Variants in SPATA13 observed in about 807,000 individuals in gnomAD.
The protein encoded by SPATA13 is spermatogenesis-associated protein 13.
A neutral mutation model predicts 104.0 loss-of-function variants in SPATA13; 50 were observed. The observed-to-expected ratio is 0.48, with a 90% CI of 0.38 to 0.61. SPATA13 has a LOEUF of 0.61. Among genes scored for constraint, SPATA13 ranks in the 20% least tolerant of loss-of-function variants. The pLI is 0.00. For synonymous variants in SPATA13, 606 were observed against 667.5 expected (o/e 0.91, Z 1.42); for missense variants, 1,524 against 1,690.6 (o/e 0.90, Z 1.73).
At chr13:24,213,167 G>A (rs1871115722) in intron 1 of SPATA13, among the ~76,000 whole-genome samples, 1 of 152,236 alleles carries the variant, frequency 6.6e-6, no homozygotes, top group South Asian at 2.1e-4. Context: ...GTGGGGGTGA[G>A]AGGGTGATGA....
At chr13:24,176,751 A>G (rs1308919349) in intron 1 of SPATA13, among the ~76,000 whole-genome samples, 1 of 152,196 alleles carries the variant, frequency 6.6e-6, no homozygotes, top group African/African-American at 2.4e-5. Context: ...TTGATTAGCT[A>G]TTAATTATTA....
At chr13:24,078,163 C>T (rs1048866989) in intron 3 of SPATA13, among the ~76,000 whole-genome samples, 1 of 152,150 alleles carries the variant, frequency 6.6e-6, no homozygotes, top group Non-Finnish European at 1.5e-5. Context: ...GCAGTGCCAG[C>T]CTAGCTCACC....
chr13:24,065,246 A>C lies in SPATA13; in HGVS notation c.-112+47545A>C, dbSNP rs1000352104. On this transcript the variant is annotated intron_variant, in intron 3 of 14. Coordinates refer to the SPATA13 transcript ENST00000424834. The stretch of plus-strand genomic sequence containing the variant: ...GTCATTGGGCCACCAAGAGCTGTCT[A>C]CTTAGTTTAAGGTGATTCTTAAACT... Among the ~76,000 whole-genome samples the C allele has an allele frequency of 2.0e-5, 3 of 152,158 alleles. No individual in the cohort carries two copies. The East Asian group carries it at 5.8e-4, about 29-fold the overall frequency.
intron 2 of SPATA13, among the ~76,000 whole-genome samples, chr13:24,007,761 C>G (rs1876298386): frequency 6.6e-6 from 1 of 152,186 alleles, no homozygotes; most frequent in African/African-American, 2.4e-5. Context: ...AGCCACCAAG[C>G]CCAGCCAGGG....
rs1879810493 is a variant in SPATA13, at chr13:24,088,608, T to C, written c.-112+70907T>C. Among the ~76,000 whole-genome samples, 1 of 151,972 alleles carries C rather than the reference T, an allele frequency of 6.6e-6. No individual in the cohort carries two copies. The highest frequency in any genetic ancestry group is 1.5e-5 in the Non-Finnish European group (1 of 68,012). On this transcript the variant is annotated intron_variant, in intron 3 of 14. Transcript: ENST00000424834. This position sits in a 1 kb window ranked among gnomAD's most constrained non-coding sequence, Gnocchi z 4.3. ...AAAATGACATAATAAACACATCTCTTTAACCTCAATTTTCTCTTTCCCAAA... is the reference window on the plus strand; with the variant it reads ...AAAATGACATAATAAACACATCTCTCTAACCTCAATTTTCTCTTTCCCAAA...
At position 24,302,731 on chromosome 13, in the gene SPATA13, C is replaced by G. The variant is rs1877293902; in HGVS notation, c.3792C>G (p.Leu1264=). Residue 1264 remains leucine (L), a synonymous_variant, in exon 13 of 13, where the codon CTC becomes CTG. Transcript: ENST00000382108. ...GLAEPKRKSS[L]FWHTFNRLTP... is the part of the protein sequence containing the mutation. ...CGGAACCCAAGAGGAAGTCCTCGCT[C>G]TTCTGGCACACCTTCAACAGGCTCA... The G allele has an allele frequency of 6.2e-7, 1 of 1,614,182 alleles. No individual in the cohort carries two copies. The highest frequency in any genetic ancestry group is 8.5e-7 in the Non-Finnish European group (1 of 1,180,046).
chr13:24,122,928 T>C, intron 3 of SPATA13: 1 of 779,528 alleles, frequency 1.3e-6, no homozygotes, highest in Non-Finnish European at 2.4e-6. Context: ...CTCTTAATGA[T>C]CTTCAGCTAC....
At chr13:24,276,735 C>A (rs998393095) in intron 4 of SPATA13, among the ~76,000 whole-genome samples, 4 of 152,162 alleles carry the variant, frequency 2.6e-5, no homozygotes, top group African/African-American at 9.7e-5. Context: ...TTTATAATAG[C>A]TTTACAGCGT....
At chr13:24,138,668 T>G (rs1444592954) in intron 3 of SPATA13, among the ~76,000 whole-genome samples, 1 of 152,076 alleles carries the variant, frequency 6.6e-6, no homozygotes, top group East Asian at 1.9e-4. Flanking sequence ...ACTGCAGCCT[T>G]GAACTCCTGG....
intron 5 of SPATA13, among the ~76,000 whole-genome samples, chr13:24,285,521 C>G (rs1875869675): frequency 1.3e-5 from 2 of 149,052 alleles, no homozygotes; most frequent in African/African-American, 2.5e-5. Flanking sequence ...CTTCCTCCCT[C>G]CCTCCCTCCC....
At chr13:24,195,644 A>C (rs1205857068) in intron 1 of SPATA13, among the ~76,000 whole-genome samples, 1 of 152,170 alleles carries the variant, frequency 6.6e-6, no homozygotes, top group Non-Finnish European at 1.5e-5. Flanking sequence ...AAGACTCTTA[A>C]TTATTTAGGC....
chr13:24,070,439 T>C (rs1038666405), intron 3 of SPATA13, among the ~76,000 whole-genome samples: 1 of 152,164 alleles, frequency 6.6e-6, no homozygotes, highest in African/African-American at 2.4e-5. Context: ...CAGAAGTCCA[T>C]GTACTTGGCG....
At chr13:24,110,011 T>C (rs1880584762) in intron 3 of SPATA13, among the ~76,000 whole-genome samples, 1 of 148,442 alleles carries the variant, frequency 6.7e-6, no homozygotes, top group African/African-American at 2.5e-5. Flanking sequence ...TCTTTCTATC[T>C]CGGATGCTCT....
At chr13:24,038,655 A>G (rs1877804897) in intron 3 of SPATA13, among the ~76,000 whole-genome samples, 1 of 152,168 alleles carries the variant, frequency 6.6e-6, no homozygotes, top group Non-Finnish European at 1.5e-5. Flanking sequence ...TGCTGCGCGA[A>G]TGCAGCCACA....
At chr13:24,080,644 G>T (rs761396158) in intron 3 of SPATA13, among the ~76,000 whole-genome samples, 5 of 152,168 alleles carry the variant, frequency 3.3e-5, no homozygotes, top group Non-Finnish European at 7.3e-5. Flanking sequence ...GTAGATCTGA[G>T]ATTTCATCGG....
Position 24,084,180 on chromosome 13 carries a change from G to A in SPATA13, c.-112+66479G>A, listed in dbSNP as rs150705376. 8.1e-4 allele frequency among the ~76,000 whole-genome samples: 124 copies of A among 152,306 alleles called. 1 individual carries two copies. The highest frequency in any genetic ancestry group is 2.7e-3 in the African/African-American group (111 of 41,566). ...TCCGTAACTTAGCAACAAGCGAGAC[G>A]AGAGAAGAAAGCAGCTGAACAATTT... On this transcript the variant is annotated intron_variant, in intron 3 of 14. Transcript: ENST00000424834.
chr13:24,006,588 G>A (rs116156282), intron 2 of SPATA13, among the ~76,000 whole-genome samples: 1,716 of 152,322 alleles, frequency 0.011, 35 homozygotes, highest in African/African-American at 0.037. Context: ...ATTCATCACA[G>A]TTGCAGGTGT....
At chr13:24,131,949 C>G (rs1375447916) in intron 3 of SPATA13, among the ~76,000 whole-genome samples, 2 of 152,196 alleles carry the variant, frequency 1.3e-5, no homozygotes, top group Non-Finnish European at 2.9e-5. Context: ...CCAATGTGCT[C>G]AGCTTAGAAC....
intron 1 of SPATA13, among the ~76,000 whole-genome samples, chr13:24,188,616 C>T (rs1869307488): frequency 6.6e-6 from 1 of 152,176 alleles, no homozygotes; most frequent in South Asian, 2.1e-4. Context: ...AACATAAGTG[C>T]AGGGTGAAGC....
Sources: gnomAD v4.1 joint callset for allele counts (sites outside exome capture counted in the v4.1 genomes callset) on GRCh38, gnomAD v4.1.1 for gene constraint, Gnocchi (gnomAD v3.1) non-coding constraint, MANE v1.5 for transcripts, NCBI Gene and HGNC (gene_info 2026-07-23, HGNC 2026-07-21) for gene names.